Variants in DAAM1 observed in about 807,000 individuals in gnomAD.
DAAM1 encodes the protein disheveled-associated activator of morphogenesis 1.
In DAAM1, 52 loss-of-function variants were observed where a neutral mutation model predicts 130.0. That is an observed-to-expected ratio of 0.40 (90% CI 0.32 to 0.50). DAAM1 has a LOEUF of 0.50. DAAM1 is among the 20% of genes least tolerant of loss of function. The pLI, the probability that DAAM1 is intolerant of heterozygous loss-of-function variation, is 0.61. For synonymous variants in DAAM1, 452 were observed against 444.5 expected (o/e 1.02, Z -0.21); for missense variants, 1,134 against 1,303.8 (o/e 0.87, Z 2.01).
intron 2 of DAAM1, among the ~76,000 whole-genome samples, chr14:59,266,406 C>T (rs958135538): frequency 3.3e-5 from 5 of 152,140 alleles, no homozygotes; most frequent in African/African-American, 7.2e-5. Context: ...GCGAGGAGCC[C>T]GTGTGGTGGT....
intron 1 of DAAM1, among the ~76,000 whole-genome samples, chr14:59,261,797 G>A (rs565942501): frequency 6.6e-6 from 1 of 152,328 alleles, no homozygotes; most frequent in South Asian, 2.1e-4. Flanking sequence ...TTTGGAAGAT[G>A]CCATAAGTCG....
At chr14:59,355,366 C>T (rs779537810) in intron 20 of DAAM1, 33 bp downstream of exon 20, 1 of 1,612,486 alleles carries the variant, frequency 6.2e-7, no homozygotes, top group South Asian at 1.1e-5. Flanking sequence ...CTTGGGGGAG[C>T]CAGGTGTGTA....
At chr14:59,215,274 A>G (rs1379415467) in intron 1 of DAAM1, among the ~76,000 whole-genome samples, 1 of 152,244 alleles carries the variant, frequency 6.6e-6, no homozygotes, top group Non-Finnish European at 1.5e-5. Context: ...CCACAGCTAG[A>G]CATGGAAGGT....
Position 59,324,437 on chromosome 14 carries a change from A to G in DAAM1, c.972A>G (p.Glu324=). ...TAATAGATAAATTAAGGGAACACGA[A>G]AATTCAACATTAGATAGGTAAGTCA... ...QPVIDKLREH[E]NSTLDRHLDF... is the part of the protein sequence containing the mutation. Residue 324 remains glutamate, a synonymous_variant, in exon 8 of 25, where the codon GAA becomes GAG. Coordinates refer to ENST00000360909, the MANE Select transcript of DAAM1 (RefSeq NM_001270520.2). 9 of 1,587,086 alleles carry G rather than the reference A, an allele frequency of 5.7e-6. No homozygotes were observed. The highest frequency in any genetic ancestry group is 7.7e-6 in the Non-Finnish European group (9 of 1,166,926).
intron 3 of DAAM1, among the ~76,000 whole-genome samples, chr14:59,295,224 T>C (rs1310843381): frequency 2.6e-5 from 4 of 152,206 alleles, no homozygotes; most frequent in Non-Finnish European, 5.9e-5. Context: ...TTGTTCATAT[T>C]ACATTTCTGT....
intron 1 of DAAM1, among the ~76,000 whole-genome samples, chr14:59,252,958 C>CT (rs1024826736): frequency 3.9e-5 from 6 of 152,140 alleles, no homozygotes; most frequent in African/African-American, 7.2e-5. Context: ...CATCCATTTT[C>CT]TTTTTTTGCA....
intron 2 of DAAM1, among the ~76,000 whole-genome samples, chr14:59,278,718 G>GCCT: frequency 6.6e-6 from 1 of 152,084 alleles, no homozygotes; most frequent in South Asian, 2.1e-4. Flanking sequence ...GGCCTAAATG[G>GCCT]AATACACACT....
chr14:59,259,217 T>C (rs1227275310), intron 1 of DAAM1, among the ~76,000 whole-genome samples: 2 of 152,176 alleles, frequency 1.3e-5, no homozygotes, highest in African/African-American at 2.4e-5. Context: ...ACATGTGCCA[T>C]GTCACTTTTC....
chr14:59,325,925 GA>G lies in DAAM1; in HGVS notation c.1057-34del, dbSNP rs747015737. ...TACACTGGGGAAACTGAGGAACTTA[GA>G]TGTTTGATTTGATTTCTTTTTCCTG... On this transcript the variant is annotated intron_variant, in intron 9 of 24. Transcript: ENST00000360909. 4.8e-5 allele frequency: 76 copies of G among 1,596,402 alleles called. No individual in the cohort carries two copies. The African/African-American group carries it at 8.6e-4, about 18-fold the overall frequency.
At chr14:59,290,491 T>G (rs1480043001) in intron 2 of DAAM1, among the ~76,000 whole-genome samples, 1 of 152,228 alleles carries the variant, frequency 6.6e-6, no homozygotes, top group Non-Finnish European at 1.5e-5. Context: ...GGGGTTGTTG[T>G]GAGAGGTACA....
Position 59,355,263 on chromosome 14 carries a change from A to G in DAAM1, c.2455A>G (p.Arg819Gly), listed in dbSNP as rs1390831158. 1 of 1,614,074 alleles carries G rather than the reference A, an allele frequency of 6.2e-7. No individual in the cohort carries two copies. Among genetic ancestry groups the G allele is most frequent in the Non-Finnish European group, 8.5e-7 (1 of 1,180,024 alleles). ...AFGNYMNKGQ[R>G]GNAYGFKISS... ...TGGAAATTATATGAATAAAGGTCAA[A>G]GAGGGAATGCATATGGATTCAAGAT... The change falls in exon 20 of 25, where the codon AGA (arginine) becomes GGA (glycine). Residue 819 changes from arginine (R) to glycine (G), a missense_variant. Arg to Gly is a moderately radical substitution (Grantham distance 125). This residue lies in a region of DAAM1 where 644 missense variants were observed against 695.9 expected (regional missense o/e 0.93). Transcript: ENST00000360909.
chr14:59,203,288 G>A lies in DAAM1; in HGVS notation c.-38+14520G>A, dbSNP rs568929867. 4.0e-5 allele frequency among the ~76,000 whole-genome samples: 6 copies of A among 151,530 alleles called. 1 individual carries two copies. The highest frequency in any genetic ancestry group is 7.3e-5 in the African/African-American group (3 of 41,306). Reference sequence around the variant, plus strand: ...CTCCCAAAGTGCTGGGATTACAGGCGTGAATAGCTTTCTTTTGGAGATGAT... The same window carrying A: ...CTCCCAAAGTGCTGGGATTACAGGCATGAATAGCTTTCTTTTGGAGATGAT... On this transcript the variant is annotated intron_variant, in intron 1 of 24. Coordinates refer to ENST00000360909, the MANE Select transcript of DAAM1 (RefSeq NM_001270520.2).
Position 59,328,529 on chromosome 14 carries a change from G to A in DAAM1, c.1372+1538G>A, listed in dbSNP as rs10142158. Among the ~76,000 whole-genome samples, 366 of 152,302 alleles carry A rather than the reference G, an allele frequency of 2.4e-3. 1 individual carries two copies. Among genetic ancestry groups the A allele is most frequent in the African/African-American group, 8.3e-3 (346 of 41,570 alleles). On this transcript the variant is annotated intron_variant, in intron 12 of 24. Coordinates refer to ENST00000360909, the MANE Select transcript of DAAM1 (RefSeq NM_001270520.2). ...CCTGTTGAATGCCTGTATGTGTCAGGCACTGTGCTGAGCTCTGGGTCTGAG... is the reference window on the plus strand; with the variant it reads ...CCTGTTGAATGCCTGTATGTGTCAGACACTGTGCTGAGCTCTGGGTCTGAG...
chr14:59,256,656 T>A (rs1000825697), intron 1 of DAAM1, among the ~76,000 whole-genome samples: 3 of 152,220 alleles, frequency 2.0e-5, no homozygotes, highest in African/African-American at 7.2e-5. Flanking sequence ...GAATTAGTCC[T>A]CTTCCTCAGG....
chr14:59,242,117 C>T (rs1404204994), intron 1 of DAAM1, among the ~76,000 whole-genome samples: 1 of 152,202 alleles, frequency 6.6e-6, no homozygotes, highest in Non-Finnish European at 1.5e-5. Context: ...ACTAAAGTCA[C>T]AGAGCTACTA....
intron 12 of DAAM1, among the ~76,000 whole-genome samples, chr14:59,328,744 C>T (rs1885309827): frequency 6.6e-6 from 1 of 152,182 alleles, no homozygotes; most frequent in Non-Finnish European, 1.5e-5. Context: ...AAATGATAGC[C>T]ACTGTTGCAG....
chr14:59,215,091 G>A (rs1888536540), intron 1 of DAAM1, among the ~76,000 whole-genome samples: 1 of 152,166 alleles, frequency 6.6e-6, no homozygotes, highest in African/African-American at 2.4e-5. Context: ...AATTTTGGAG[G>A]AAATGAAACA....
chr14:59,354,723 C>G (rs1594846428), intron 19 of DAAM1, among the ~76,000 whole-genome samples: 1 of 152,226 alleles, frequency 6.6e-6, no homozygotes. Flanking sequence ...TGCCTAAGCT[C>G]TGATCCCTGT....
intron 1 of DAAM1, among the ~76,000 whole-genome samples, chr14:59,238,917 T>C (rs1889391283): frequency 6.6e-6 from 1 of 152,198 alleles, no homozygotes; most frequent in Non-Finnish European, 1.5e-5. Context: ...GGCTACCCTT[T>C]ATTAGATAAT....
Sources: allele counts gnomAD v4.1 joint callset (sites outside exome capture counted in the v4.1 genomes callset), GRCh38; gene constraint gnomAD v4.1.1; regional missense constraint gnomAD v4.1.1; transcripts MANE v1.5; gene names NCBI Gene and HGNC (gene_info 2026-07-23, HGNC 2026-07-21).